The following DEPDC1B variants were observed in gnomAD, a reference collection of about 807,000 sequenced individuals.
The protein encoded by DEPDC1B is DEP domain-containing protein 1B.
Under a neutral mutation model 66.5 loss-of-function variants are expected in DEPDC1B, and 51 were observed. The ratio of observed to expected loss-of-function variants is 0.77; its 90% CI spans 0.61 to 0.97. DEPDC1B has a LOEUF of 0.97. DEPDC1B is among the 50% of genes least tolerant of loss of function. The probability of loss-of-function intolerance (pLI) is 0.00; values close to 1 mark genes in which losing one functional copy is unlikely to be tolerated. For missense variants in DEPDC1B, 552 were observed against 637.1 expected (o/e 0.87, Z 1.44); for synonymous variants, 226 against 223.6 (o/e 1.01, Z -0.10).
At chr5:60,622,553 A>T (rs989309353) in intron 7 of DEPDC1B, among the ~76,000 whole-genome samples, 17 of 152,222 alleles carry the variant, frequency 1.1e-4, no homozygotes, top group Admixed American at 9.2e-4. Context: ...TATCCCTTAG[A>T]TAAATACCTA....
chr5:60,664,843 C>T (rs1753802056), intron 2 of DEPDC1B, among the ~76,000 whole-genome samples: 1 of 152,152 alleles, frequency 6.6e-6, no homozygotes, highest in African/African-American at 2.4e-5. Flanking sequence ...ACCTAGTCCT[C>T]CATGCCCGTG....
intron 7 of DEPDC1B, among the ~76,000 whole-genome samples, chr5:60,617,700 C>T (rs1752593998): frequency 6.6e-6 from 1 of 152,186 alleles, no homozygotes. Context: ...GAGACTTCAA[C>T]ACCCCACTGT....
intron 6 of DEPDC1B, among the ~76,000 whole-genome samples, chr5:60,640,116 T>C (rs1382188611): frequency 1.3e-5 from 2 of 152,226 alleles, no homozygotes; most frequent in Non-Finnish European, 2.9e-5. Context: ...TCTTATAAAA[T>C]AATTTGATTG....
At chr5:60,626,480 T>C (rs1169081088) in intron 7 of DEPDC1B, among the ~76,000 whole-genome samples, 1 of 152,158 alleles carries the variant, frequency 6.6e-6, no homozygotes, top group Non-Finnish European at 1.5e-5. Context: ...ATGTTTAACT[T>C]TTTGAGGAAC....
At chr5:60,651,396 C>T (rs1450823323) in intron 2 of DEPDC1B, among the ~76,000 whole-genome samples, 4 of 152,032 alleles carry the variant, frequency 2.6e-5, no homozygotes, top group Admixed American at 1.3e-4. Flanking sequence ...TGCATGGTGG[C>T]GTGTGCCTGT....
In DEPDC1B at chr5:60,603,389, A is replaced by G. The variant is rs1471493362; in HGVS notation, c.1242+2T>C. ...TAGAACTGATAATATCCTCTCCTTT[A>G]CCTGGACTCTTCGTAGATGAGCCAC... is the stretch of plus-strand genomic sequence containing the variant. On this transcript the variant is annotated splice_donor_variant, in intron 9 of 10. Transcript: ENST00000265036. LOFTEE classifies it high-confidence loss of function. The G allele has an allele frequency of 1.3e-6, 2 of 1,565,306 alleles. No homozygotes were observed. The highest frequency in any genetic ancestry group is 1.7e-6 in the Non-Finnish European group (2 of 1,163,032).
intron 7 of DEPDC1B, among the ~76,000 whole-genome samples, chr5:60,623,504 A>T (rs1752751989): frequency 6.6e-6 from 1 of 152,126 alleles, no homozygotes; most frequent in South Asian, 2.1e-4. Context: ...GGCTATTCAG[A>T]TTATTTGTAT....
At chr5:60,648,188 A>G (rs1052634519) in intron 2 of DEPDC1B, 21 of 152,218 alleles carry the variant, frequency 1.4e-4, no homozygotes, top group African/African-American at 4.6e-4. Flanking sequence ...TATTATTAAT[A>G]TAAATACAAA....
chr5:60,668,061 TTATATATATATAAAATGGATATTTTATA>T (rs1753922715), intron 2 of DEPDC1B, among the ~76,000 whole-genome samples: 2 of 40,764 alleles, frequency 4.9e-5, no homozygotes, highest in South Asian at 5.5e-4. Flanking sequence ...AATGGATATT[TTATATATATATAAAATGGATATTTTATA>T]TATATATATA....
At chr5:60,646,497 C>T (rs1753319280) in intron 3 of DEPDC1B, among the ~76,000 whole-genome samples, 1 of 152,292 alleles carries the variant, frequency 6.6e-6, no homozygotes, top group Non-Finnish European at 1.5e-5. Context: ...AAACAGCTGC[C>T]ATATACAATT....
intron 2 of DEPDC1B, among the ~76,000 whole-genome samples, chr5:60,661,029 C>T (rs185096181): frequency 1.7e-4 from 26 of 152,238 alleles, no homozygotes; most frequent in African/African-American, 4.8e-4. Flanking sequence ...AAAGCACTTA[C>T]GGAATAAAAA....
At chr5:60,601,898 C>G (rs1195740253) in intron 9 of DEPDC1B, among the ~76,000 whole-genome samples, 1 of 152,016 alleles carries the variant, frequency 6.6e-6, no homozygotes, top group Non-Finnish European at 1.5e-5. Flanking sequence ...TACTATTATT[C>G]CCATTTTACA....
chr5:60,668,061 T>TTATATATATAAATGGATATTTTA lies in DEPDC1B; in HGVS notation c.314+18900_314+18901insTAAAATATCCATTTATATATATA, dbSNP rs1753922419. Reference sequence around the variant, plus strand: ...TTTATATATATATAAAATGGATATTTTATATATATATAAAATGGATATTTT... The same window carrying TTATATATATAAATGGATATTTTA: ...TTTATATATATATAAAATGGATATTTTATATATATAAATGGATATTTTATATATATATATAAAATGGATATTTT... On this transcript the variant is annotated intron_variant, in intron 2 of 10. Transcript: ENST00000265036. Among the ~76,000 whole-genome samples, 4 of 40,766 alleles carry TTATATATATAAATGGATATTTTA rather than the reference T, an allele frequency of 9.8e-5. 1 individual carries two copies. Among genetic ancestry groups the TTATATATATAAATGGATATTTTA allele is most frequent in the African/African-American group, 7.2e-4 (4 of 5,574 alleles). 26.7% of individuals were successfully genotyped at this position (40,766 alleles called of 152,430 possible).
intron 2 of DEPDC1B, among the ~76,000 whole-genome samples, chr5:60,660,746 AG>A (rs60764978): frequency 3.9e-4 from 59 of 152,364 alleles, no homozygotes; most frequent in African/African-American, 1.3e-3. Flanking sequence ...GTTAGAAAAA[AG>A]GTGATTTAAC....
At chr5:60,636,827 A>C (rs1333970185) in intron 7 of DEPDC1B, among the ~76,000 whole-genome samples, 1 of 152,198 alleles carries the variant, frequency 6.6e-6, no homozygotes, top group Non-Finnish European at 1.5e-5. Flanking sequence ...TGATACCTAA[A>C]GGCAATAAAT....
intron 2 of DEPDC1B, among the ~76,000 whole-genome samples, chr5:60,668,233 TTATATATATATATAAAATGGATATTA>T (rs1561385156): frequency 0.082 from 2,212 of 27,066 alleles, 506 homozygotes; most frequent in Admixed American, 0.14. Context: ...AATGGATATT[TTATATATATATATAAAATGGATATTA>T]TATATATATA....
chr5:60,686,586 C>T (rs1022308891), intron 2 of DEPDC1B, among the ~76,000 whole-genome samples: 1 of 152,204 alleles, frequency 6.6e-6, no homozygotes, highest in Non-Finnish European at 1.5e-5. Flanking sequence ...CACTCTGCTA[C>T]TAACCTCCTG....
chr5:60,597,658 C>T lies in DEPDC1B; in HGVS notation c.*95G>A. 1 of 1,351,608 alleles carries T rather than the reference C, an allele frequency of 7.4e-7. No individual in the cohort carries two copies. The highest frequency in any genetic ancestry group is 1.0e-6 in the Non-Finnish European group (1 of 985,600). The allele number at this position is 1,351,608 out of a possible 1,614,324, so 83.7% of individuals were successfully genotyped here. ...ATATTTCAGTAGTCTTTGTTTTATG[C>T]TTTTCTTTCTTCCACCACCAAAGTC... On this transcript the variant is annotated 3_prime_UTR_variant, in exon 11 of 11. Coordinates refer to ENST00000265036, the MANE Select transcript of DEPDC1B (RefSeq NM_018369.3).
At position 60,605,696 on chromosome 5, in the gene DEPDC1B, TC is replaced by T. The variant is rs1376097334; in HGVS notation, c.1058del (p.Arg353GlnfsTer3). 2 of 1,611,096 alleles carry T rather than the reference TC, an allele frequency of 1.2e-6. No homozygotes were observed. Among genetic ancestry groups the T allele is most frequent in the African/African-American group, 2.7e-5 (2 of 74,790 alleles). On this transcript the variant is annotated frameshift_variant, in exon 8 of 11. Transcript: ENST00000265036. LOFTEE classifies it high-confidence loss of function. Reference protein sequence around the residue: ...MPPLCDGFGTRTLMVQTFSRC... With the variant: ...MPPLCDGFGTXTLMVQTFSRC... ...ATGTTAAAAATCAACCTACCAGTGT[TC>T]GGGTACCAAAGCCATCACACAGGGG... is the stretch of plus-strand genomic sequence containing the variant.
Sources: allele counts gnomAD v4.1 joint callset (sites outside exome capture counted in the v4.1 genomes callset), GRCh38; gene constraint gnomAD v4.1.1; transcripts MANE v1.5; gene names NCBI Gene and HGNC (gene_info 2026-07-23, HGNC 2026-07-21).